The following PLEKHB2 variants were observed in gnomAD, a reference collection of about 807,000 sequenced individuals.
PLEKHB2 encodes the protein pleckstrin homology domain-containing family B member 2.
A neutral mutation model predicts 36.5 loss-of-function variants in PLEKHB2; 31 were observed. The ratio of observed to expected loss-of-function variants is 0.85; its 90% CI spans 0.64 to 1.15. The LOEUF (loss-of-function observed/expected upper bound fraction) is 1.15. PLEKHB2 is among the 50% of genes most tolerant of loss of function. The probability of loss-of-function intolerance (pLI) is 0.00; values close to 1 mark genes in which losing one functional copy is unlikely to be tolerated. For synonymous variants in PLEKHB2, 119 were observed against 112.0 expected, an observed-to-expected ratio of 1.06 and a Z score of -0.39; for missense variants, 262 against 295.3, an observed-to-expected ratio of 0.89 and a Z score of 0.83.
chr2:131,121,855 C>T (rs1696550448), intron 2 of PLEKHB2, among the ~76,000 whole-genome samples: 1 of 152,128 alleles, frequency 6.6e-6, no homozygotes, highest in Admixed American at 6.6e-5. Context: ...ACACTGTCTG[C>T]TTATCTCTGA....
intron 6 of PLEKHB2, 98 bp from the exon 7 acceptor site, chr2:131,140,069 G>C (rs1234412756): frequency 1.5e-6 from 1 of 649,984 alleles, no homozygotes; most frequent in African/African-American, 1.8e-5. Flanking sequence ...TTTTTTAATT[G>C]ACTGTTGAAT....
At chr2:131,139,454 C>T (rs538074242) in intron 6 of PLEKHB2, among the ~76,000 whole-genome samples, 22 of 152,224 alleles carry the variant, frequency 1.4e-4, no homozygotes, top group Non-Finnish European at 2.8e-4. Flanking sequence ...GTTTGCCTGG[C>T]TACAACTCTG....
intron 7 of PLEKHB2, chr2:131,144,421 G>A: frequency 8.1e-7 from 1 of 1,229,420 alleles, no homozygotes; most frequent in Non-Finnish European, 1.0e-6. Context: ...CCATCCTCAT[G>A]ACACGTCATT....
intron 5 of PLEKHB2, among the ~76,000 whole-genome samples, chr2:131,132,386 AGTCTCGAG>A (rs1275825269): frequency 6.6e-6 from 1 of 152,140 alleles, no homozygotes; most frequent in Non-Finnish European, 1.5e-5. Flanking sequence ...GGCTCACTGC[AGTCTCGAG>A]CTCCTGGGCT....
At chr2:131,115,339 GTCTTTTTTTTTTTTTTTTTTTTT>G (rs1397539082) in intron 1 of PLEKHB2, among the ~76,000 whole-genome samples, 1 of 105,760 alleles carries the variant, frequency 9.5e-6, no homozygotes, top group Non-Finnish European at 1.9e-5. Context: ...CAGAAAGTAT[GTCTTTTTTTTTTTTTTTTTTTTT>G]TTTTTTTTTT....
chr2:131,130,057 T>A (rs931594819), intron 4 of PLEKHB2, among the ~76,000 whole-genome samples: 3 of 152,110 alleles, frequency 2.0e-5, no homozygotes, highest in Non-Finnish European at 4.4e-5. Flanking sequence ...TCTTTTTTTT[T>A]TCTTGAGATA....
At chr2:131,114,548 C>T (rs746869391) in intron 1 of PLEKHB2, among the ~76,000 whole-genome samples, 1 of 152,200 alleles carries the variant, frequency 6.6e-6, no homozygotes, top group Non-Finnish European at 1.5e-5. Flanking sequence ...GTTGCATCAT[C>T]AGTTGGCAAA....
At chr2:131,146,180 C>CA (rs945508628) in intron 7 of PLEKHB2, among the ~76,000 whole-genome samples, 312 of 129,676 alleles carry the variant, frequency 2.4e-3, no homozygotes, top group East Asian at 0.013. Flanking sequence ...GACTCCTTCT[C>CA]AAAAAAAAAA....
rs1250418829 is a variant in PLEKHB2 at position 131,119,724 on chromosome 2, G to A, written c.-8-1210G>A. 2.6e-5 allele frequency among the ~76,000 whole-genome samples: 4 copies of A among 152,224 alleles called. No homozygotes were observed. In the East Asian group the frequency reaches 7.7e-4, roughly 29 times the overall value. ...TGCCATTGTGCTTTCTCCTTGCTGG[G>A]TGTCTTGGAGGTTTTCATTTGTGCC... On this transcript the variant is annotated intron_variant, in intron 1 of 7. Transcript: ENST00000693505.
At chr2:131,122,079 G>A (rs148483531) in intron 2 of PLEKHB2, among the ~76,000 whole-genome samples, 2,100 of 152,028 alleles carry the variant, frequency 0.014, 46 homozygotes, top group African/African-American at 0.048. Context: ...TGTATTTTTA[G>A]TAGAGACGGA....
At chr2:131,129,946 T>C (rs1388983502) in intron 4 of PLEKHB2, among the ~76,000 whole-genome samples, 1 of 152,224 alleles carries the variant, frequency 6.6e-6, no homozygotes, top group Non-Finnish European at 1.5e-5. Flanking sequence ...AAATTATGTT[T>C]TTATCCTTTG....
rs947764872 is a variant in PLEKHB2, at chr2:131,149,819, A to G, written c.*3046A>G. ...TGTACATTTGTAAGTGAAAATGTCA[A>G]TACATTAAAGCATTAACCTTAAAGC... On this transcript the variant is annotated 3_prime_UTR_variant, in exon 8 of 8. Coordinates refer to ENST00000693505, the MANE Select transcript of PLEKHB2 (RefSeq NM_001100623.2). 2 of 152,260 alleles carry G rather than the reference A, an allele frequency of 1.3e-5. No individual in the cohort carries two copies. The highest frequency in any genetic ancestry group is 1.5e-5 in the Non-Finnish European group (1 of 68,048). 9.4% of individuals were successfully genotyped at this position (152,260 alleles called of 1,614,324 possible). A position where few individuals can be genotyped will look rare whatever the true frequency, so the allele number is the denominator to read the frequency against.
chr2:131,133,310 A>G (rs1412835026), intron 6 of PLEKHB2, among the ~76,000 whole-genome samples: 1 of 152,212 alleles, frequency 6.6e-6, no homozygotes, highest in Non-Finnish European at 1.5e-5. Context: ...AATTCTCCTT[A>G]TAGTCAGAAA....
chr2:131,135,783 T>A (rs1281914636), intron 6 of PLEKHB2, among the ~76,000 whole-genome samples: 2 of 151,922 alleles, frequency 1.3e-5, no homozygotes, highest in African/African-American at 2.4e-5. Context: ...TTATTTTTTT[T>A]ATTTTTAGTA....
At chr2:131,140,141 T>G in intron 6 of PLEKHB2, 26 bp from the exon 7 acceptor site, 1 of 1,413,764 alleles carries the variant, frequency 7.1e-7, no homozygotes, top group Non-Finnish European at 9.9e-7. Context: ...CACAATTGTA[T>G]TTCTAATGGG....
chr2:131,126,839 T>C (rs1697153045), intron 4 of PLEKHB2, 53 bp downstream of exon 4: 3 of 1,036,688 alleles, frequency 2.9e-6, no homozygotes, highest in South Asian at 2.7e-5. Flanking sequence ...CTATTTTAAC[T>C]TCTGATTACC....
At position 131,146,687 on chromosome 2, in the gene PLEKHB2, C is replaced by T. The variant is rs375234103; in HGVS notation, c.583C>T (p.Arg195Ter). 3.1e-6 allele frequency: 5 copies of T among 1,613,854 alleles called. No individual in the cohort carries two copies. The highest frequency in any genetic ancestry group is 3.3e-5 in the Admixed American group (2 of 59,986). Reference protein sequence around the residue: ...ANQVIIRERYRDNDSDLALGM... With the variant: ...ANQVIIRERY The stretch of plus-strand genomic sequence containing the variant: ...CCAAGTCATCATTCGAGAGCGCTAT[C>T]GAGACAACGACAGCGACCTGGCACT... Residue 195 changes from arginine (R) to a stop codon, truncating the protein, a stop_gained, in exon 8 of 8, where the codon CGA (arginine) becomes TGA (stop). Coordinates refer to ENST00000693505, the MANE Select transcript of PLEKHB2 (RefSeq NM_001100623.2). LOFTEE classifies it high-confidence loss of function.
chr2:131,114,253 G>A (rs1196961141), intron 1 of PLEKHB2, among the ~76,000 whole-genome samples: 2 of 152,122 alleles, frequency 1.3e-5, no homozygotes, highest in Non-Finnish European at 2.9e-5. Context: ...AGCCTCCCGA[G>A]TAGCTGGGAC....
chr2:131,114,317 G>T (rs900610118), intron 1 of PLEKHB2, among the ~76,000 whole-genome samples: 1 of 152,166 alleles, frequency 6.6e-6, no homozygotes, highest in South Asian at 2.1e-4. Flanking sequence ...GTAGAGACGG[G>T]GTTTCATCGT....
Sources: gnomAD v4.1 joint callset for allele counts (sites outside exome capture counted in the v4.1 genomes callset) on GRCh38, gnomAD v4.1.1 for gene constraint, MANE v1.5 for transcripts, NCBI Gene and HGNC (gene_info 2026-07-23, HGNC 2026-07-21) for gene names.